Variants in ORC3 observed in about 807,000 individuals in gnomAD.
The protein encoded by ORC3 is homolog of latheo, Drosophila.
Under a neutral mutation model 100.7 loss-of-function variants are expected in ORC3, and 78 were observed. The observed-to-expected ratio is 0.77, with a 90% CI of 0.65 to 0.94. The LOEUF (loss-of-function observed/expected upper bound fraction) is 0.94, where lower values mean the gene tolerates loss of function less well. Ranked by LOEUF, ORC3 falls within the 40% of genes least tolerant of loss-of-function variation. The pLI is 0.00. For missense variants in ORC3, 789 were observed against 823.9 expected, an observed-to-expected ratio of 0.96 and a Z score of 0.52; for synonymous variants, 295 against 289.3, an observed-to-expected ratio of 1.02 and a Z score of -0.20.
chr6:87,640,392 G>A (rs1768154626), intron 13 of ORC3, among the ~76,000 whole-genome samples: 1 of 152,170 alleles, frequency 6.6e-6, no homozygotes. Context: ...TGTGTGGGGA[G>A]CATGCAAGTG....
intron 11 of ORC3, among the ~76,000 whole-genome samples, chr6:87,632,620 T>C (rs928374671): frequency 6.6e-6 from 1 of 152,120 alleles, no homozygotes; most frequent in Non-Finnish European, 1.5e-5. Flanking sequence ...CCCAGCACTT[T>C]GGGAGGCTGA....
At chr6:87,666,287 A>C (rs1207688714) in intron 19 of ORC3, among the ~76,000 whole-genome samples, 1 of 151,930 alleles carries the variant, frequency 6.6e-6, no homozygotes, top group Non-Finnish European at 1.5e-5. Flanking sequence ...GCCTGCCACC[A>C]AGCCCAGCTA....
chr6:87,600,926 G>A (rs965693826), intron 2 of ORC3, among the ~76,000 whole-genome samples: 1 of 152,250 alleles, frequency 6.6e-6, no homozygotes, highest in East Asian at 1.9e-4. Flanking sequence ...TCCTTAATGT[G>A]GATTATAGTT....
chr6:87,610,499 A>T (rs1339337092), intron 7 of ORC3, among the ~76,000 whole-genome samples: 1 of 151,222 alleles, frequency 6.6e-6, no homozygotes, highest in Non-Finnish European at 1.5e-5. Context: ...AGGATTACAG[A>T]CATGAGCCAC....
At chr6:87,648,545 A>T (rs1289142044) in intron 13 of ORC3, among the ~76,000 whole-genome samples, 1 of 152,200 alleles carries the variant, frequency 6.6e-6, no homozygotes, top group East Asian at 1.9e-4. Flanking sequence ...ATGGATGTCA[A>T]GCTGAACTGT....
intron 11 of ORC3, among the ~76,000 whole-genome samples, chr6:87,624,979 A>G (rs576212784): frequency 6.4e-4 from 97 of 152,294 alleles, no homozygotes; most frequent in Non-Finnish European, 1.2e-3. Flanking sequence ...TTTGCTGAGA[A>G]TGATGGTTTC....
rs771454717 is a variant in ORC3, at chr6:87,657,047, A to G, written c.1593+65A>G. 5.6e-6 allele frequency: 6 copies of G among 1,076,518 alleles called. No homozygotes were observed. The Admixed American group carries it at 8.8e-5, about 16-fold the overall frequency. The allele number at this position is 1,076,518 out of a possible 1,614,324, so 66.7% of individuals were successfully genotyped here. ...ACTCCCTTTTTTCAGTTTGTGCTCT[A>G]GATTAACTCTGCCTGGATGTTTTTG... On this transcript the variant is annotated intron_variant, in intron 15 of 19. Coordinates refer to ENST00000392844, the MANE Select transcript of ORC3 (RefSeq NM_012381.4).
At chr6:87,596,470 A>T (rs1224639916) in intron 2 of ORC3, among the ~76,000 whole-genome samples, 3 of 151,140 alleles carry the variant, frequency 2.0e-5, no homozygotes, top group Non-Finnish European at 4.4e-5. Context: ...TTAAGGCAAA[A>T]ACAACACAGG....
rs1281835364 is a variant in ORC3, at chr6:87,602,968, TATAC to T, written c.178-412_178-409del. On this transcript the variant is annotated intron_variant, in intron 3 of 19. Coordinates refer to ENST00000392844, the MANE Select transcript of ORC3 (RefSeq NM_012381.4). ...TACACATATATAATATATATATATATATACATATATATATACAATTTTTTTTTTT... is the reference window on the plus strand; with the variant it reads ...TACACATATATAATATATATATATATATATATATATACAATTTTTTTTTTT... Among the ~76,000 whole-genome samples, 128 of 57,156 alleles carry T rather than the reference TATAC, an allele frequency of 2.2e-3. 8 individuals are homozygous for T. In the East Asian group the frequency reaches 0.026, roughly 12 times the overall value. 37.5% of individuals were successfully genotyped at this position (57,156 alleles called of 152,430 possible). A position where few individuals can be genotyped will look rare whatever the true frequency, so the allele number is the denominator to read the frequency against.
intron 11 of ORC3, among the ~76,000 whole-genome samples, chr6:87,628,903 G>A (rs942651852): frequency 6.6e-6 from 1 of 152,196 alleles, no homozygotes; most frequent in African/African-American, 2.4e-5. Flanking sequence ...AACAATCACA[G>A]TCTATCAAAT....
At chr6:87,596,363 G>A (rs1252141430) in intron 2 of ORC3, among the ~76,000 whole-genome samples, 1 of 151,588 alleles carries the variant, frequency 6.6e-6, no homozygotes, top group Admixed American at 6.6e-5. Flanking sequence ...TCGAACTCCC[G>A]GCCTTGTGAT....
rs1225492740 is a variant in ORC3 at position 87,665,896 on chromosome 6, T to G, written c.2030+63T>G. ...ACATAAAATATAAGTTTATAATTTC[T>G]CCAGGTCTACACTAGATATTTATAA... On this transcript the variant is annotated intron_variant, in intron 19 of 19. Coordinates refer to ENST00000392844, the MANE Select transcript of ORC3 (RefSeq NM_012381.4). The G allele has an allele frequency of 8.0e-6, 8 of 1,004,648 alleles. No individual in the cohort carries two copies. The Admixed American group carries it at 1.5e-4, about 19-fold the overall frequency. The allele number at this position is 1,004,648 out of a possible 1,614,324, so 62.2% of individuals were successfully genotyped here.
downstream of ORC3, chr6:87,667,474 T>G (rs1398975159): frequency 5.7e-6 from 1 of 173,928 alleles, no homozygotes; most frequent in East Asian, 1.6e-4. Flanking sequence ...GCTTTAGCAA[T>G]CCTCATTCCT....
At chr6:87,644,275 G>A (rs1768557804) in intron 13 of ORC3, among the ~76,000 whole-genome samples, 1 of 150,182 alleles carries the variant, frequency 6.7e-6, no homozygotes, top group Admixed American at 6.6e-5. Context: ...TGTATTTTTA[G>A]TAGAGACGGG....
chr6:87,622,637 C>T (rs1779618916), intron 11 of ORC3, among the ~76,000 whole-genome samples: 1 of 150,620 alleles, frequency 6.6e-6, no homozygotes. Context: ...CAGTGAAAGG[C>T]TTCGTTTCAC....
the ORC3 span, chr6:87,675,466 T>C: frequency 4.6e-6 from 6 of 1,298,452 alleles, no homozygotes; most frequent in South Asian, 1.3e-5. Context: ...CTAAGAGTGG[T>C]TGCCACTGAC....
chr6:87,629,457 T>G (rs1197150202), intron 11 of ORC3, among the ~76,000 whole-genome samples: 2 of 152,228 alleles, frequency 1.3e-5, no homozygotes, highest in Non-Finnish European at 2.9e-5. Context: ...TAGCCTTTTT[T>G]TCTTTACCTG....
At chr6:87,611,309 C>A (rs1382902878) in intron 7 of ORC3, among the ~76,000 whole-genome samples, 1 of 152,086 alleles carries the variant, frequency 6.6e-6, no homozygotes, top group Non-Finnish European at 1.5e-5. Flanking sequence ...TGACACTGAA[C>A]TGCTTAGCAT....
chr6:87,663,043 G>A lies in ORC3; in HGVS notation c.1732G>A (p.Val578Met), dbSNP rs1770319917. ...LPPETQPLHE[V>M]VYFSAAHALR... ...TCCTGAGACACAGCCTCTCCATGAGGTGGTGTACTTCAGTGCTGCCCATGC... is the reference window on the plus strand; with the variant it reads ...TCCTGAGACACAGCCTCTCCATGAGATGGTGTACTTCAGTGCTGCCCATGC... The change falls in exon 17 of 20, where the codon GTG becomes ATG. Residue 578 changes from valine (V) to methionine (M), a missense_variant. Physicochemically the swap from Val to Met is conservative, Grantham distance 21. This residue lies in a region of ORC3 where 366 missense variants were observed against 394.2 expected (regional missense o/e 0.93). Coordinates refer to ENST00000392844, the MANE Select transcript of ORC3 (RefSeq NM_012381.4). The A allele has an allele frequency of 6.2e-7, 1 of 1,612,948 alleles. No individual in the cohort carries two copies. Among genetic ancestry groups the A allele is most frequent in the Non-Finnish European group, 8.5e-7 (1 of 1,179,208 alleles).
Sources: gnomAD v4.1 joint callset for allele counts (sites outside exome capture counted in the v4.1 genomes callset) on GRCh38, gnomAD v4.1.1 for gene constraint, gnomAD v4.1.1 regional missense constraint, MANE v1.5 for transcripts, NCBI Gene and HGNC (gene_info 2026-07-23, HGNC 2026-07-21) for gene names.